DAB2IP: variants seen among roughly 807,000 people sequenced by gnomAD.
The protein encoded by DAB2IP is disabled homolog 2-interacting protein.
A neutral mutation model predicts 107.2 loss-of-function variants in DAB2IP; 28 were observed. The observed-to-expected ratio is 0.26, with a 90% confidence interval of 0.19 to 0.36. DAB2IP has a LOEUF of 0.36. Ranked by LOEUF, DAB2IP falls within the 10% of genes least tolerant of loss-of-function variation. The probability of loss-of-function intolerance (pLI) is 1.00; values close to 1 mark genes in which losing one functional copy is unlikely to be tolerated. For missense variants in DAB2IP, 1,400 were observed against 1,644.7 expected (o/e 0.85, Z 2.57); for synonymous variants, 755 against 706.4 (o/e 1.07, Z -1.09).
At chr9:121,692,231 A>C (rs1471116079) in intron 2 of DAB2IP, among the ~76,000 whole-genome samples, 2 of 151,916 alleles carry the variant, frequency 1.3e-5, no homozygotes, top group Admixed American at 6.6e-5. Context: ...GGCTTATTTC[A>C]GTGTATTTGT....
exon 16 of DAB2IP, chr9:121,784,893 GAGAACC>G (rs1169511834): frequency 6.6e-6 from 1 of 152,480 alleles, no homozygotes; most frequent in Non-Finnish European, 1.5e-5. Flanking sequence ...CCAGGCCACA[GAGAACC>G]TGAGTTCCCG....
At chr9:121,602,786 A>G (rs1336541109) in intron 1 of DAB2IP, among the ~76,000 whole-genome samples, 1 of 152,176 alleles carries the variant, frequency 6.6e-6, no homozygotes, top group Non-Finnish European at 1.5e-5. Flanking sequence ...TGTGTTAGCC[A>G]GGATGGCCTT....
At chr9:121,623,395 C>T (rs1480518122) in intron 1 of DAB2IP, among the ~76,000 whole-genome samples, 2 of 152,202 alleles carry the variant, frequency 1.3e-5, no homozygotes, top group African/African-American at 2.4e-5. Context: ...GGAATAGGGT[C>T]TTGCCCTTTT....
At chr9:121,741,389 C>A (rs2118896573) in intron 3 of DAB2IP, among the ~76,000 whole-genome samples, 1 of 152,266 alleles carries the variant, frequency 6.6e-6, no homozygotes, top group East Asian at 1.9e-4. Context: ...GAGGCAGGGC[C>A]CCTCCCGGAG....
intron 1 of DAB2IP, among the ~76,000 whole-genome samples, chr9:121,579,887 C>T (rs1351102358): frequency 6.6e-6 from 1 of 152,224 alleles, no homozygotes; most frequent in Non-Finnish European, 1.5e-5. Context: ...GCACTCAAAG[C>T]CTCCTGCAGG....
At chr9:121,668,220 G>A (rs1833528789) in intron 1 of DAB2IP, among the ~76,000 whole-genome samples, 1 of 148,414 alleles carries the variant, frequency 6.7e-6, no homozygotes, top group Non-Finnish European at 1.5e-5. Flanking sequence ...TTGAGATGGA[G>A]TCTTGCTTTG....
exon 16 of DAB2IP, chr9:121,784,038 G>A (rs1835838466): frequency 5.1e-6 from 1 of 194,862 alleles, no homozygotes; most frequent in Non-Finnish European, 1.1e-5. Flanking sequence ...ATGTGCTGGA[G>A]GGGTGGCCCA....
At chr9:121,568,133 C>T (rs530693655) in intron 1 of DAB2IP, among the ~76,000 whole-genome samples, 7 of 152,278 alleles carry the variant, frequency 4.6e-5, no homozygotes, top group Admixed American at 2.0e-4. Context: ...TTCAGGTCCT[C>T]CTGAGACCAC....
intron 2 of DAB2IP, among the ~76,000 whole-genome samples, chr9:121,690,607 T>C (rs1564158751): frequency 6.6e-6 from 1 of 152,196 alleles, no homozygotes; most frequent in Non-Finnish European, 1.5e-5. Context: ...ACCTTGGGAA[T>C]GCGTAACTGG....
intron 1 of DAB2IP, among the ~76,000 whole-genome samples, chr9:121,584,507 G>A (rs139369363): frequency 4.9e-4 from 75 of 152,248 alleles, no homozygotes; most frequent in African/African-American, 1.4e-3. Flanking sequence ...AGAAGACAAG[G>A]CCTAGGGACA....
rs527916993 is a variant in DAB2IP at position 121,772,143 on chromosome 9, G to T, written c.2079-464G>T. The stretch of plus-strand genomic sequence containing the variant: ...AGGCTGGGCAAGAGGAGGTTTCACC[G>T]GGCCCCCACTTCAGTTACCAGTCTG... On this transcript the variant is annotated intron_variant, in intron 11 of 15. Coordinates refer to ENST00000408936, the Ensembl canonical transcript of DAB2IP. This position sits in a 1 kb window ranked among gnomAD's most constrained non-coding sequence, Gnocchi z 4.7. 6.6e-6 allele frequency among the ~76,000 whole-genome samples: 1 copy of T among 152,066 alleles called. No homozygotes were observed. Among genetic ancestry groups the T allele is most frequent in the African/African-American group, 2.4e-5 (1 of 41,412 alleles).
At chr9:121,742,572 C>G (rs1428900004) in intron 3 of DAB2IP, among the ~76,000 whole-genome samples, 23 of 152,222 alleles carry the variant, frequency 1.5e-4, no homozygotes, top group Non-Finnish European at 1.5e-5. Context: ...CTCCCCATCC[C>G]ACTCCTATTC....
chr9:121,640,545 A>C (rs767788856), intron 1 of DAB2IP, among the ~76,000 whole-genome samples: 6 of 151,498 alleles, frequency 4.0e-5, no homozygotes, highest in Non-Finnish European at 7.4e-5. Flanking sequence ...GGGTGACTTC[A>C]GGCCTCCCCA....
At chr9:121,743,630 G>A (rs1348701390) in intron 3 of DAB2IP, among the ~76,000 whole-genome samples, 1 of 152,212 alleles carries the variant, frequency 6.6e-6, no homozygotes, top group African/African-American at 2.4e-5. Context: ...GGCTAGGCTG[G>A]CCGGGGCCAG....
Position 121,770,725 on chromosome 9 carries a change from G to C in DAB2IP, c.2078+1G>C, listed in dbSNP as rs1297070124. The C allele has an allele frequency of 6.2e-7, 1 of 1,613,726 alleles. No homozygotes were observed. The highest frequency in any genetic ancestry group is 1.7e-5 in the Admixed American group (1 of 60,018). ...TGGTGATTGAGAACGATCTTTCCGG[G>C]TAAGAGCTGCCAGCCATGTTGGGTG... On this transcript the variant is annotated splice_donor_variant, in intron 11 of 15. Transcript: ENST00000408936. LOFTEE classifies it high-confidence loss of function.
rs573139415 is a variant in DAB2IP, at chr9:121,705,112, C to T, written c.362+5654C>T. ...TACTCTCCTTTAGATCTGGAGCTCCCTTGTGTACCTTCCCAAGATCTGAGC... is the reference window on the plus strand; with the variant it reads ...TACTCTCCTTTAGATCTGGAGCTCCTTTGTGTACCTTCCCAAGATCTGAGC... On this transcript the variant is annotated intron_variant, in intron 3 of 15. Coordinates refer to ENST00000408936, the Ensembl canonical transcript of DAB2IP. Among the ~76,000 whole-genome samples, 4 of 152,310 alleles carry T rather than the reference C, an allele frequency of 2.6e-5. No individual in the cohort carries two copies. The East Asian group carries it at 7.7e-4, about 29-fold the overall frequency.
chr9:121,696,767 T>G (rs1589533180), intron 2 of DAB2IP, among the ~76,000 whole-genome samples: 1 of 152,130 alleles, frequency 6.6e-6, no homozygotes, highest in Admixed American at 6.5e-5. Context: ...TGATGAGTAT[T>G]TGTTAAGTCT....
rs34841042 is a variant in DAB2IP, at chr9:121,606,834, G to T, written c.40+39606G>T. ...CTGTTGCCCAGGCTGGAGTGCAGTAGCGTGATCTCAGCTCACTGCAACCTC... is the reference window on the plus strand; with the variant it reads ...CTGTTGCCCAGGCTGGAGTGCAGTATCGTGATCTCAGCTCACTGCAACCTC... On this transcript the variant is annotated intron_variant, in intron 1 of 16. Transcript: ENST00000259371. Among the ~76,000 whole-genome samples the T allele has an allele frequency of 3.0e-4, 45 of 151,198 alleles. 1 individual carries two copies. The highest frequency in any genetic ancestry group is 1.1e-3 in the African/African-American group (44 of 41,196).
intron 1 of DAB2IP, among the ~76,000 whole-genome samples, chr9:121,593,840 G>T (rs866000727): frequency 3.0e-4 from 45 of 150,940 alleles, no homozygotes; most frequent in Middle Eastern, 3.4e-3. Flanking sequence ...GGTAATTTTT[G>T]TATATTTATT....
Sources: gnomAD v4.1 joint callset for allele counts (sites outside exome capture counted in the v4.1 genomes callset) on GRCh38, gnomAD v4.1.1 for gene constraint, Gnocchi (gnomAD v3.1) non-coding constraint, MANE v1.5 for transcripts, NCBI Gene and HGNC (gene_info 2026-07-23, HGNC 2026-07-21) for gene names.